The following BLOC1S5 variants were observed in gnomAD, a reference collection of about 807,000 sequenced individuals.
BLOC1S5 encodes biogenesis of lysosomal organelles complex 1 subunit 5.
BLOC1S5 carries 27 observed loss-of-function variants against 24.3 expected under a neutral mutation model. The observed-to-expected ratio is 1.11, with a 90% CI of 0.82 to 1.53. The LOEUF (loss-of-function observed/expected upper bound fraction) is 1.53, where lower values mean the gene tolerates loss of function less well. BLOC1S5 is among the 40% of genes most tolerant of loss of function. The probability of loss-of-function intolerance (pLI) is 0.00; values close to 1 mark genes in which losing one functional copy is unlikely to be tolerated. For missense variants in BLOC1S5, 239 were observed against 229.4 expected (o/e 1.04, Z -0.27); for synonymous variants, 84 against 74.5 (o/e 1.13, Z -0.66).
chr6:8,059,536 CTCTA>C (rs577070269), intron 2 of BLOC1S5, among the ~76,000 whole-genome samples: 77 of 152,354 alleles, frequency 5.1e-4, no homozygotes, highest in African/African-American at 1.8e-3. Flanking sequence ...TGCTTTGCCA[CTCTA>C]TCTAACCAAA....
chr6:8,050,691 C>T lies in BLOC1S5; in HGVS notation c.196-9423G>A, dbSNP rs557596577. ...GATCTCGGCTCACCGCAACCTCTGC[C>T]GCCCAGGTTCAGGCAATTCTCATGC... On this transcript the variant is annotated intron_variant, in intron 2 of 4. Coordinates refer to ENST00000397457, the MANE Select transcript of BLOC1S5 (RefSeq NM_201280.3). Among the ~76,000 whole-genome samples the T allele has an allele frequency of 4.0e-5, 6 of 151,380 alleles. No homozygotes were observed. The East Asian group carries it at 1.2e-3, about 30-fold the overall frequency.
chr6:8,024,371 C>T (rs1374565330), intron 4 of BLOC1S5, among the ~76,000 whole-genome samples: 1 of 151,624 alleles, frequency 6.6e-6, no homozygotes, highest in East Asian at 1.9e-4. Context: ...ACTAAAAATA[C>T]AAAAATTAGC....
intron 2 of BLOC1S5, among the ~76,000 whole-genome samples, chr6:8,048,668 GA>G (rs1464995981): frequency 1.3e-5 from 2 of 151,962 alleles, no homozygotes; most frequent in East Asian, 3.9e-4. Flanking sequence ...TTTTTCTTTT[GA>G]AGGTATATTT....
intron 2 of BLOC1S5, chr6:8,054,318 C>T (rs1447373244): frequency 2.2e-6 from 1 of 445,882 alleles, no homozygotes; most frequent in Admixed American, 2.5e-5. Context: ...ACCGTCAGAA[C>T]ACACAGCCAC....
intron 3 of BLOC1S5, 86 bp downstream of exon 3, chr6:8,041,053 C>G: frequency 7.0e-7 from 1 of 1,438,080 alleles, no homozygotes; most frequent in Non-Finnish European, 9.4e-7. Flanking sequence ...TCCCTCTCCA[C>G]CTCCCCCCAT....
chr6:8,039,085 C>T (rs1222046966), intron 3 of BLOC1S5, among the ~76,000 whole-genome samples: 3 of 152,138 alleles, frequency 2.0e-5, no homozygotes, highest in African/African-American at 7.2e-5. Flanking sequence ...GGTATATATA[C>T]ACAATGGAAT....
Position 8,016,889 on chromosome 6 carries a change from A to AAAG in BLOC1S5, c.385-1062_385-1061insCTT, listed in dbSNP as rs1468351940. On this transcript the variant is annotated intron_variant, in intron 4 of 4. Coordinates refer to ENST00000397457, the MANE Select transcript of BLOC1S5 (RefSeq NM_201280.3). ...GATACTCTATCTCAAAAAAAAAAAA[A>AAAG]AAAAAAGAAATCTCCTCTGGGTCAG... Among the ~76,000 whole-genome samples the AAAG allele has an allele frequency of 4.6e-5, 7 of 151,150 alleles. 1 individual carries two copies. In the East Asian group the frequency reaches 5.8e-4, roughly 13 times the overall value.
Position 8,040,920 on chromosome 6 carries a change from G to A in BLOC1S5, c.325+219C>T, listed in dbSNP as rs191304707. The stretch of plus-strand genomic sequence containing the variant: ...TTTTGACTTTCTCACATACTAAACA[G>A]ATTGTCTCGTGTACCACAGATGCAC... On this transcript the variant is annotated intron_variant, in intron 3 of 4. Transcript: ENST00000397457. 7.2e-5 allele frequency among the ~76,000 whole-genome samples: 11 copies of A among 152,074 alleles called. No individual in the cohort carries two copies. The East Asian group carries it at 1.9e-3, about 27-fold the overall frequency.
At position 8,022,734 on chromosome 6, in the gene BLOC1S5, G is replaced by A. The variant is rs1215793624; in HGVS notation, c.384+3633C>T. 5.5e-5 allele frequency among the ~76,000 whole-genome samples: 8 copies of A among 144,886 alleles called. 1 individual carries two copies. Among genetic ancestry groups the A allele is most frequent in the African/African-American group, 8.2e-5 (3 of 36,588 alleles). On this transcript the variant is annotated intron_variant, in intron 4 of 4. Coordinates refer to ENST00000397457, the MANE Select transcript of BLOC1S5 (RefSeq NM_201280.3). ...CAAGTAGCTGGGACTACAGGCGCCC[G>A]CCACTACGCCCGGCTAATTTTTTGT...
Position 8,015,632 on chromosome 6 carries a change from T to C in BLOC1S5, c.*17A>G. The C allele has an allele frequency of 6.2e-7, 1 of 1,605,132 alleles. No homozygotes were observed. Among genetic ancestry groups the C allele is most frequent in the Non-Finnish European group, 8.5e-7 (1 of 1,175,376 alleles). Reference sequence around the variant, plus strand: ...GAACATCTTCTCATTAGTTTGTGATTGTTGTGGTTCAAGTTCTTAAAAGGT... The same window carrying C: ...GAACATCTTCTCATTAGTTTGTGATCGTTGTGGTTCAAGTTCTTAAAAGGT... On this transcript the variant is annotated 3_prime_UTR_variant, in exon 5 of 5. Coordinates refer to ENST00000397457, the MANE Select transcript of BLOC1S5 (RefSeq NM_201280.3).
intron 1 of BLOC1S5, among the ~76,000 whole-genome samples, chr6:8,063,148 C>T (rs1757324861): frequency 6.6e-6 from 1 of 151,970 alleles, no homozygotes; most frequent in Non-Finnish European, 1.5e-5. Flanking sequence ...GGGATATAGA[C>T]AGAAGCAACA....
At chr6:8,030,680 T>C (rs1019406682) in intron 3 of BLOC1S5, among the ~76,000 whole-genome samples, 50 of 150,094 alleles carry the variant, frequency 3.3e-4, no homozygotes, top group Non-Finnish European at 7.4e-5. Flanking sequence ...GAGACCAGCC[T>C]GAACAACATG....
At position 8,026,372 on chromosome 6, in the gene BLOC1S5, T is replaced by G; in HGVS notation, c.379A>C (p.Lys127Gln). ...CRLQQREQER[K>Q]KIHSDHLVAS... ...TTATCTAAATGATCTTTTACCTTTT[T>G]TCGTTCCTGTTCCCTCTGTTGGAGT... The change falls in exon 4 of 5, where the codon AAA becomes CAA. Residue 127 changes from lysine (K) to glutamine (Q), a missense_variant. Physicochemically the swap from Lys to Gln is moderately conservative, Grantham distance 53 (BLOSUM62 1). Transcript: ENST00000397457. The G allele has an allele frequency of 6.2e-7, 1 of 1,608,020 alleles. No homozygotes were observed. The highest frequency in any genetic ancestry group is 8.5e-7 in the Non-Finnish European group (1 of 1,174,764).
chr6:8,034,115 A>C (rs772063071), intron 3 of BLOC1S5, among the ~76,000 whole-genome samples: 20 of 152,222 alleles, frequency 1.3e-4, no homozygotes, highest in Non-Finnish European at 2.2e-4. Context: ...TTGACCCAGC[A>C]ATCCCATTAC....
At chr6:8,049,009 CAAAA>C (rs72488646) in intron 2 of BLOC1S5, among the ~76,000 whole-genome samples, 59,325 of 131,418 alleles carry the variant, frequency 0.45, 13,866 homozygotes, top group East Asian at 0.81. Context: ...GACTCCGCCT[CAAAA>C]GAAAGAAAAG....
intron 4 of BLOC1S5, among the ~76,000 whole-genome samples, chr6:8,023,125 G>A (rs1762984357): frequency 6.6e-6 from 1 of 152,082 alleles, no homozygotes; most frequent in Non-Finnish European, 1.5e-5. Context: ...CTCCACCGGT[G>A]GCATATTTTT....
intron 1 of BLOC1S5, 52 bp downstream of exon 1, chr6:8,064,213 A>T: frequency 6.8e-7 from 1 of 1,475,568 alleles, no homozygotes; most frequent in Admixed American, 2.3e-5. Flanking sequence ...GCCGCCTGGG[A>T]GATGAGGCTG....
At chr6:8,063,817 C>T (rs2815153) in intron 1 of BLOC1S5, among the ~76,000 whole-genome samples, 110,487 of 152,122 alleles carry the variant, frequency 0.73, 40,834 homozygotes, top group East Asian at 1. Flanking sequence ...TATAGAGCGC[C>T]TTCGTAAGTG....
intron 2 of BLOC1S5, among the ~76,000 whole-genome samples, chr6:8,049,539 A>C (rs188972533): frequency 1.3e-5 from 2 of 152,152 alleles, no homozygotes; most frequent in Non-Finnish European, 1.5e-5. Flanking sequence ...CTCCAAAACT[A>C]TATCTGTAAA....
Sources: allele counts gnomAD v4.1 joint callset (sites outside exome capture counted in the v4.1 genomes callset), GRCh38; gene constraint gnomAD v4.1.1; transcripts MANE v1.5; gene names NCBI Gene and HGNC (gene_info 2026-07-23, HGNC 2026-07-21).